ROGDI: variants seen among roughly 807,000 people sequenced by gnomAD.
ROGDI encodes protein rogdi homolog.
ROGDI carries 46 observed loss-of-function variants against 43.1 expected under a neutral mutation model. The ratio of observed to expected loss-of-function variants is 1.07; its 90% confidence interval spans 0.84 to 1.37. The LOEUF (loss-of-function observed/expected upper bound fraction) is 1.37. ROGDI is among the 40% of genes most tolerant of loss of function. The pLI is 0.00. For synonymous variants in ROGDI, 243 were observed against 162.0 expected (o/e 1.50, Z -3.80); for missense variants, 518 against 383.9 (o/e 1.35, Z -2.92).
rs192746614 is a variant in ROGDI at position 4,800,988 on chromosome 16, G to C, written c.255+279C>G. ...TTCAGGCATTGGCTGATTCAACTGTGATGTGTGGCCAGCCTAATCCACCAA... is the reference window on the plus strand; with the variant it reads ...TTCAGGCATTGGCTGATTCAACTGTCATGTGTGGCCAGCCTAATCCACCAA... On this transcript the variant is annotated intron_variant, in intron 4 of 10. Coordinates refer to ENST00000322048, the MANE Select transcript of ROGDI (RefSeq NM_024589.3). 1,349 of 513,726 alleles carry C rather than the reference G, an allele frequency of 2.6e-3. 6 individuals carry two copies. Among genetic ancestry groups the C allele is most frequent in the Non-Finnish European group, 3.5e-3 (1,007 of 290,118 alleles). 31.8% of individuals were successfully genotyped at this position (513,726 alleles called of 1,614,324 possible).
At chr16:4,801,925 G>C (rs1246079639) in intron 2 of ROGDI, 5 of 568,914 alleles carry the variant, frequency 8.8e-6, no homozygotes, top group Non-Finnish European at 1.6e-5. Context: ...CGCGGTCCTG[G>C]GCCACAGCAA....
Position 4,801,517 on chromosome 16 carries a change from G to C in ROGDI, c.186C>G (p.Ile62Met), listed in dbSNP as rs1216877367. 4 of 1,606,386 alleles carry C rather than the reference G, an allele frequency of 2.5e-6. No homozygotes were observed. Among genetic ancestry groups the C allele is most frequent in the Non-Finnish European group, 3.4e-6 (4 of 1,176,570 alleles). ...TEGPAKQENF[I>M]LGSCGTDQVK... ...CCCAGGCTCACCCACAGCTGCCTAG[G>C]ATGAAGTTCTCTTGCTTGGCGGGCC... Residue 62 changes from isoleucine to methionine, a missense_variant, in exon 3 of 11, where the codon ATC (isoleucine) becomes ATG (methionine). Ile to Met is a conservative substitution (Grantham distance 10). Transcript: ENST00000322048.
At position 4,802,545 on chromosome 16, in the gene ROGDI, C is replaced by G. The variant is rs766321436; in HGVS notation, c.27G>C (p.Ala9=). 38 of 1,282,662 alleles carry G rather than the reference C, an allele frequency of 3.0e-5. No individual in the cohort carries two copies. The Admixed American group carries it at 1.1e-3, about 39-fold the overall frequency. 79.5% of individuals were successfully genotyped at this position (1,282,662 alleles called of 1,614,324 possible). A position where few individuals can be genotyped will look rare whatever the true frequency, so the allele number is the denominator to read the frequency against. MATVMAAT[A]AERAVLEEEF... Reference sequence around the variant, plus strand: ...GCCTTACCAGCACCGCCCGCTCCGCCGCCGTCGCTGCCATCACGGTGGCCA... The same window carrying G: ...GCCTTACCAGCACCGCCCGCTCCGCGGCCGTCGCTGCCATCACGGTGGCCA... The change falls in exon 1 of 11, where the codon GCG becomes GCC. Residue 9 remains alanine, a synonymous_variant. Coordinates refer to ENST00000322048, the MANE Select transcript of ROGDI (RefSeq NM_024589.3).
chr16:4,798,611 G>A lies in ROGDI; in HGVS notation c.489C>T (p.Pro163=), dbSNP rs113245789. ...LTRARNRLTT[P]ATLTLPEIAA... ...CGATCTCGGGGAGGGTGAGGGTGGC[G>A]GGGGTGGTGAGCCGGTTTCGGGCTC... Residue 163 remains proline, a synonymous_variant, in exon 7 of 11, where the codon CCC becomes CCT. Transcript: ENST00000322048. 1.1e-4 allele frequency: 174 copies of A among 1,575,204 alleles called. No homozygotes were observed. The African/African-American group carries it at 1.8e-3, about 16-fold the overall frequency.
intron 5 of ROGDI, 150 bp downstream of exon 5, chr16:4,800,348 C>T (rs977720700): frequency 7.4e-6 from 5 of 672,992 alleles, no homozygotes; most frequent in Non-Finnish European, 1.3e-5. Context: ...TCAGGAAACG[C>T]CTGCCCCCAG....
intron 2 of ROGDI, chr16:4,801,818 G>C (rs1257486727): frequency 1.7e-6 from 1 of 596,706 alleles, no homozygotes; most frequent in Non-Finnish European, 3.0e-6. Context: ...TGCCCGCCTC[G>C]GGGAATACAA....
Position 4,802,633 on chromosome 16 carries a change from T to C in ROGDI, c.-62A>G. ...CGCTGCTCCTGTCCACCAATCTTTC[T>C]GTCCTCGGTCCTCCGGTCCTCCCGT... On this transcript the variant is annotated 5_prime_UTR_variant, in exon 1 of 11. Coordinates refer to ENST00000322048, the MANE Select transcript of ROGDI (RefSeq NM_024589.3). 7.9e-7 allele frequency: 1 copy of C among 1,261,150 alleles called. No individual in the cohort carries two copies. Among genetic ancestry groups the C allele is most frequent in the Non-Finnish European group, 1.0e-6 (1 of 995,228 alleles). 78.1% of individuals were successfully genotyped at this position (1,261,150 alleles called of 1,614,324 possible). A position where few individuals can be genotyped will look rare whatever the true frequency, so the allele number is the denominator to read the frequency against.
intron 2 of ROGDI, chr16:4,801,884 G>A (rs1438537090): frequency 1.0e-5 from 6 of 576,046 alleles, no homozygotes; most frequent in African/African-American, 9.3e-5. Flanking sequence ...AAGGGGCAGA[G>A]TCAGGGAACA....
chr16:4,798,249 C>G, intron 7 of ROGDI, 65 bp from the exon 8 acceptor site: 8 of 1,326,514 alleles, frequency 6.0e-6, no homozygotes, highest in Non-Finnish European at 8.5e-6. Context: ...GAGCGGGGCT[C>G]TGCAGTCACT....
At chr16:4,801,175 C>T (rs1567602863) in intron 4 of ROGDI, 92 bp downstream of exon 4, 2 of 1,091,852 alleles carry the variant, frequency 1.8e-6, no homozygotes, top group African/African-American at 1.6e-5. Flanking sequence ...AGGGTCCCGC[C>T]CAGAGTCGCA....
At chr16:4,802,046 G>A in intron 2 of ROGDI, 1 of 597,040 alleles carries the variant, frequency 1.7e-6, no homozygotes, top group South Asian at 1.5e-5. Flanking sequence ...GAGGCCCAGG[G>A]AGGTTCAGTG....
chr16:4,800,064 G>A (rs1342093937), intron 5 of ROGDI, among the ~76,000 whole-genome samples: 1 of 152,176 alleles, frequency 6.6e-6, no homozygotes, highest in East Asian at 1.9e-4. Flanking sequence ...GGGCGACAAG[G>A]CAGGGGCAAG....
intron 6 of ROGDI, 128 bp downstream of exon 6, chr16:4,799,558 C>G (rs1050260349): frequency 4.8e-6 from 3 of 625,298 alleles, no homozygotes; most frequent in East Asian, 2.8e-5. Flanking sequence ...AATGGAGACA[C>G]AGAGTCGGCA....
chr16:4,799,802 G>A (rs764854479), intron 5 of ROGDI, 21 bp from the exon 6 acceptor site: 2 of 1,576,970 alleles, frequency 1.3e-6, no homozygotes, highest in Non-Finnish European at 1.7e-6. Context: ...GGGTCATCCA[G>A]AGGGGTCACG....
At chr16:4,801,811 C>T (rs1025342812) in intron 2 of ROGDI, 1 of 598,422 alleles carries the variant, frequency 1.7e-6, no homozygotes, top group East Asian at 2.8e-5. Flanking sequence ...TCCTGTGTGC[C>T]CGCCTCGGGG....
rs1158092390 is a variant in ROGDI at position 4,801,571 on chromosome 16, G to C, written c.132C>G (p.Arg44=). The change falls in exon 3 of 11, where the codon CGC becomes CGG. Residue 44 remains arginine, a synonymous_variant. Transcript: ENST00000322048. ...CAGTGCCGGAGCCCGGCAGAGTGAAGCGCAGAGAGGCCTCCTGTGGAACAG... is the reference window on the plus strand; with the variant it reads ...CAGTGCCGGAGCCCGGCAGAGTGAACCGCAGAGAGGCCTCCTGTGGAACAG... ...LQDILKEASL[R]FTLPGSGTEG... is the part of the protein sequence containing the mutation. 6.9e-6 allele frequency: 11 copies of C among 1,601,260 alleles called. 1 individual carries two copies. In the South Asian group the frequency reaches 1.2e-4, roughly 18 times the overall value.
intron 4 of ROGDI, 64 bp from the exon 5 acceptor site, chr16:4,800,642 G>A: frequency 7.5e-7 from 1 of 1,331,044 alleles, no homozygotes; most frequent in Non-Finnish European, 1.1e-6. Context: ...GCCACTCTGA[G>A]CCCTTAAGCC....
At chr16:4,802,345 G>A in intron 2 of ROGDI, 37 bp downstream of exon 2, 1 of 1,520,932 alleles carries the variant, frequency 6.6e-7, no homozygotes, top group Non-Finnish European at 8.8e-7. Context: ...AGGAGGGAGG[G>A]CCGCCACGCC....
chr16:4,802,145 C>T (rs1180492528), intron 2 of ROGDI: 3 of 656,156 alleles, frequency 4.6e-6, no homozygotes, highest in Admixed American at 2.1e-5. Flanking sequence ...CTTCCCCGAC[C>T]CGAGGCCGGG....
Sources: allele counts gnomAD v4.1 joint callset (sites outside exome capture counted in the v4.1 genomes callset), GRCh38; gene constraint gnomAD v4.1.1; transcripts MANE v1.5; gene names NCBI Gene and HGNC (gene_info 2026-07-23, HGNC 2026-07-21).